CEP72: variants seen among roughly 807,000 people sequenced by gnomAD.
The protein encoded by CEP72 is centrosomal protein of 72 kDa.
CEP72 carries 78 observed loss-of-function variants against 65.7 expected under a neutral mutation model. The observed-to-expected ratio is 1.19, with a 90% CI of 0.99 to 1.43. The LOEUF is 1.43. CEP72 is among the 40% of genes most tolerant of loss of function. The probability of loss-of-function intolerance (pLI) is 0.00; values close to 1 mark genes in which losing one functional copy is unlikely to be tolerated. For synonymous variants in CEP72, 358 were observed against 351.7 expected, an observed-to-expected ratio of 1.02 and a Z score of -0.20; for missense variants, 914 against 832.9, an observed-to-expected ratio of 1.10 and a Z score of -1.20.
rs367677128 is a variant in CEP72, at chr5:646,337, G to A, written c.1667-1468G>A. On this transcript the variant is annotated intron_variant, in intron 10 of 11. Transcript: ENST00000264935. ...TCGTTTCTTCTGTCATTTCCTTTTTGTCTCGTAGGGATGTTCTTGCGCCCT... is the reference window on the plus strand; with the variant it reads ...TCGTTTCTTCTGTCATTTCCTTTTTATCTCGTAGGGATGTTCTTGCGCCCT... Among the ~76,000 whole-genome samples, 104 of 152,134 alleles carry A rather than the reference G, an allele frequency of 6.8e-4. No individual in the cohort carries two copies. The South Asian group carries it at 0.021, about 30-fold the overall frequency.
intron 10 of CEP72, among the ~76,000 whole-genome samples, chr5:644,667 A>C (rs918313299): frequency 1.3e-5 from 2 of 152,040 alleles, no homozygotes; most frequent in Non-Finnish European, 2.9e-5. Flanking sequence ...CCCTGTCCTC[A>C]CCCTGCCCGA....
chr5:647,355 C>T (rs1580012888), intron 10 of CEP72, among the ~76,000 whole-genome samples: 2 of 152,272 alleles, frequency 1.3e-5, no homozygotes, highest in South Asian at 4.1e-4. Context: ...CCACATATTC[C>T]ATCACTGATG....
At chr5:636,843 T>C (rs1454079525) in intron 6 of CEP72, among the ~76,000 whole-genome samples, 2 of 151,212 alleles carry the variant, frequency 1.3e-5, no homozygotes, top group African/African-American at 4.9e-5. Flanking sequence ...AGAGAAACCT[T>C]GTCTCGCGTG....
rs1738386329 is a variant in CEP72 at position 645,919 on chromosome 5, C to T, written c.1666+1494C>T. On this transcript the variant is annotated intron_variant, in intron 10 of 11. Transcript: ENST00000264935. This position sits in a 1 kb window ranked among gnomAD's most constrained non-coding sequence, Gnocchi z 4.0. ...CGGCGGCCTGTGTGGACGGTGAATTCGGCTTCGTTACACTGTGTGAGCGTC... is the reference window on the plus strand; with the variant it reads ...CGGCGGCCTGTGTGGACGGTGAATTTGGCTTCGTTACACTGTGTGAGCGTC... Among the ~76,000 whole-genome samples the T allele has an allele frequency of 2.0e-5, 3 of 151,604 alleles. No individual in the cohort carries two copies. Among genetic ancestry groups the T allele is most frequent in the South Asian group, 4.2e-4 (2 of 4,800 alleles).
At chr5:641,615 C>T (rs1426062393) in intron 9 of CEP72, 5 of 982,502 alleles carry the variant, frequency 5.1e-6, no homozygotes, top group Admixed American at 6.2e-5. Flanking sequence ...TGGCCTTCAT[C>T]TGGAAGCCTC....
At chr5:636,499 T>G (rs143188892) in intron 6 of CEP72, among the ~76,000 whole-genome samples, 1 of 152,282 alleles carries the variant, frequency 6.6e-6, no homozygotes, top group East Asian at 1.9e-4. Flanking sequence ...CTATGTGGCA[T>G]AAGTATCAGA....
At chr5:657,809 AG>A (rs1306936125), downstream of CEP72, among the ~76,000 whole-genome samples, 1 of 152,198 alleles carries the variant, frequency 6.6e-6, no homozygotes, top group Non-Finnish European at 1.5e-5. Context: ...TCACAGGATT[AG>A]GAAGTCTGTT....
In CEP72 at chr5:612,511, G is replaced by A. The variant is rs943844328; in HGVS notation, c.82+68G>A. On this transcript the variant is annotated intron_variant, in intron 1 of 11. Coordinates refer to ENST00000264935, the MANE Select transcript of CEP72 (RefSeq NM_018140.4). ...GGGGGTGGGTGCCGAGCTTCCCGGGGCGGCGGCGGACCGTGGGCAGGCGGG... is the reference window on the plus strand; with the variant it reads ...GGGGGTGGGTGCCGAGCTTCCCGGGACGGCGGCGGACCGTGGGCAGGCGGG... 35 of 1,337,614 alleles carry A rather than the reference G, an allele frequency of 2.6e-5. No individual in the cohort carries two copies. The African/African-American group carries it at 5.3e-4, about 20-fold the overall frequency. The allele number at this position is 1,337,614 out of a possible 1,614,324, so 82.9% of individuals were successfully genotyped here. A position where few individuals can be genotyped will look rare whatever the true frequency, so the allele number is the denominator to read the frequency against.
At chr5:649,502 T>C (rs1298102367) in intron 11 of CEP72, among the ~76,000 whole-genome samples, 10 of 33,858 alleles carry the variant, frequency 3.0e-4, no homozygotes, top group African/African-American at 5.6e-4. Context: ...GACTGTGAGG[T>C]GTGACTGTGA....
chr5:656,512 TA>T (rs1407036690), downstream of CEP72, among the ~76,000 whole-genome samples: 2 of 152,242 alleles, frequency 1.3e-5, no homozygotes, highest in East Asian at 3.8e-4. Flanking sequence ...TTGTTACATT[TA>T]ATCCTAGGTC....
chr5:612,491 TGG>T (rs1561018894), intron 1 of CEP72, 48 bp downstream of exon 1: 2 of 567,398 alleles, frequency 3.5e-6, no homozygotes, highest in South Asian at 5.3e-5. Context: ...GGCGGGGGGG[TGG>T]GTGCCGAGCT....
In CEP72 at chr5:628,802, C is replaced by G. The variant is rs1437391538; in HGVS notation, c.512+4223C>G. 3.8e-5 allele frequency among the ~76,000 whole-genome samples: 5 copies of G among 130,108 alleles called. No individual in the cohort carries two copies. In the South Asian group the frequency reaches 1.1e-3, roughly 29 times the overall value. 85.4% of individuals were successfully genotyped at this position (130,108 alleles called of 152,430 possible). On this transcript the variant is annotated intron_variant, in intron 4 of 11. Transcript: ENST00000264935. ...CCCAGCCCCCTTCTTTGTGCAGCTT[C>G]TGGAGAACTCAGGTTGCCGTCCCCA...
the CEP72 span, among the ~76,000 whole-genome samples, chr5:674,704 G>A: frequency 2.0e-5 from 3 of 152,014 alleles, no homozygotes; most frequent in Admixed American, 1.3e-4. Flanking sequence ...CGCATGGCCC[G>A]CTGCTGCAGG....
the CEP72 span, among the ~76,000 whole-genome samples, chr5:675,554 G>C: frequency 2.0e-4 from 27 of 135,332 alleles, no homozygotes; most frequent in African/African-American, 6.9e-4. Context: ...GTGGCCGGGG[G>C]TGCAGTGTGG....
intron 2 of CEP72, 114 bp downstream of exon 2, chr5:619,231 C>T (rs1736215060): frequency 1.1e-6 from 1 of 903,892 alleles, no homozygotes; most frequent in Non-Finnish European, 1.7e-6. Context: ...GTATACGGTA[C>T]ACTTTGTGTT....
At chr5:674,763 C>G in the CEP72 span, among the ~76,000 whole-genome samples, 6 of 151,746 alleles carry the variant, frequency 4.0e-5, no homozygotes, top group African/African-American at 1.5e-4. Flanking sequence ...GTCCTCCAGG[C>G]AGAGGCTGCA....
chr5:645,142 A>T lies in CEP72; in HGVS notation c.1666+717A>T, dbSNP rs1015960589. ...CTCAGGGGCTCATGGACTTTTCCTC[A>T]AAGGCCAGGTAGTAACCGTTTCAGG... On this transcript the variant is annotated intron_variant, in intron 10 of 11. Coordinates refer to ENST00000264935, the MANE Select transcript of CEP72 (RefSeq NM_018140.4). The surrounding 1 kb of genome is among the most constrained non-coding windows in gnomAD (Gnocchi z 4.0). Among the ~76,000 whole-genome samples the T allele has an allele frequency of 1.3e-5, 2 of 151,974 alleles. No individual in the cohort carries two copies. Among genetic ancestry groups the T allele is most frequent in the African/African-American group, 4.8e-5 (2 of 41,358 alleles).
chr5:626,886 G>T (rs1027442658), intron 4 of CEP72, among the ~76,000 whole-genome samples: 4 of 152,182 alleles, frequency 2.6e-5, no homozygotes, highest in East Asian at 1.9e-4. Context: ...CCTGATTGTG[G>T]TATGGAATTC....
At chr5:617,655 G>A (rs1736079977) in intron 1 of CEP72, among the ~76,000 whole-genome samples, 1 of 152,216 alleles carries the variant, frequency 6.6e-6, no homozygotes, top group South Asian at 2.1e-4. Flanking sequence ...GCATCCTGCT[G>A]TTTAGCTGCA....
Sources: allele counts gnomAD v4.1 joint callset (sites outside exome capture counted in the v4.1 genomes callset), GRCh38; gene constraint gnomAD v4.1.1; non-coding constraint Gnocchi (gnomAD v3.1); transcripts MANE v1.5; gene names NCBI Gene and HGNC (gene_info 2026-07-23, HGNC 2026-07-21).